The following DCDC2 variants were observed in gnomAD, a reference collection of about 807,000 sequenced individuals.
DCDC2 encodes the protein doublecortin domain-containing protein 2.
In DCDC2, 40 loss-of-function variants were observed where a neutral mutation model predicts 50.2. That is an observed-to-expected ratio of 0.80 (90% CI 0.62 to 1.04). The LOEUF (loss-of-function observed/expected upper bound fraction) is 1.04. Ranked by LOEUF, DCDC2 falls within the 50% of genes least tolerant of loss-of-function variation. DCDC2 has a pLI of 0.00. For synonymous variants in DCDC2, 234 were observed against 210.6 expected, an observed-to-expected ratio of 1.11 and a Z score of -0.96; for missense variants, 570 against 581.9, an observed-to-expected ratio of 0.98 and a Z score of 0.21.
At chr6:24,283,200 T>C (rs1057335438) in intron 6 of DCDC2, among the ~76,000 whole-genome samples, 7 of 152,246 alleles carry the variant, frequency 4.6e-5, no homozygotes, top group African/African-American at 1.7e-4. Context: ...GGGTTTATTC[T>C]TCAAGCTCAG....
intron 2 of DCDC2, among the ~76,000 whole-genome samples, chr6:24,307,870 A>G (rs185171773): frequency 6.6e-6 from 1 of 152,260 alleles, no homozygotes; most frequent in East Asian, 1.9e-4. Context: ...ATGTGCCATA[A>G]CTGATATTGG....
the DCDC2 span, among the ~76,000 whole-genome samples, chr6:24,377,726 A>T: frequency 6.6e-6 from 1 of 152,198 alleles, no homozygotes; most frequent in Non-Finnish European, 1.5e-5. Flanking sequence ...AATGACTTAC[A>T]CCTGTAATCC....
At chr6:24,221,508 TGACA>T (rs933462858) in intron 7 of DCDC2, among the ~76,000 whole-genome samples, 1 of 152,222 alleles carries the variant, frequency 6.6e-6, no homozygotes, top group African/African-American at 2.4e-5. Flanking sequence ...CAGTACCACA[TGACA>T]GACAATTTAG....
At chr6:24,300,299 T>C (rs776130047) in intron 4 of DCDC2, among the ~76,000 whole-genome samples, 3 of 151,956 alleles carry the variant, frequency 2.0e-5, no homozygotes, top group African/African-American at 7.3e-5. Flanking sequence ...AGAGTATCAA[T>C]TGAGTCTGCA....
chr6:24,367,367 A>G, the DCDC2 span, among the ~76,000 whole-genome samples: 1 of 152,262 alleles, frequency 6.6e-6, no homozygotes, highest in South Asian at 2.1e-4. Context: ...TTCAGAGAGA[A>G]GTTCCCCATG....
At chr6:24,212,971 G>A (rs1353615146) in intron 7 of DCDC2, among the ~76,000 whole-genome samples, 1 of 152,128 alleles carries the variant, frequency 6.6e-6, no homozygotes, top group Non-Finnish European at 1.5e-5. Flanking sequence ...CAGCTGAAAT[G>A]AAAGCATTTC....
intron 2 of DCDC2, among the ~76,000 whole-genome samples, chr6:24,326,033 G>A (rs898381958): frequency 1.4e-5 from 2 of 148,134 alleles, no homozygotes; most frequent in Non-Finnish European, 3.0e-5. Flanking sequence ...TAGGAATGCA[G>A]AATTAAAATT....
the DCDC2 span, among the ~76,000 whole-genome samples, chr6:24,377,951 A>G: frequency 1.4e-4 from 22 of 152,204 alleles, no homozygotes; most frequent in African/African-American, 4.8e-4. Context: ...ATCATGCCAC[A>G]GCACTCTGGC....
intron 2 of DCDC2, among the ~76,000 whole-genome samples, chr6:24,350,304 A>G (rs1407736559): frequency 5.3e-5 from 8 of 152,120 alleles, no homozygotes; most frequent in African/African-American, 1.9e-4. Context: ...AATCGTACCC[A>G]TGGTCTTGGG....
intron 5 of DCDC2, among the ~76,000 whole-genome samples, chr6:24,289,974 T>C (rs113643704): frequency 0.031 from 663 of 21,102 alleles, 13 homozygotes; most frequent in African/African-American, 0.22. Context: ...AGCTCTTCTT[T>C]TTTTTTTTTT....
At chr6:24,175,742 G>T (rs1012862142) in intron 9 of DCDC2, among the ~76,000 whole-genome samples, 1 of 152,076 alleles carries the variant, frequency 6.6e-6, no homozygotes. Context: ...CTTTGTACAA[G>T]AATTGTTACA....
At chr6:24,360,746 T>C (rs1405942673), upstream of DCDC2, among the ~76,000 whole-genome samples, 1 of 15,596 alleles carries the variant, frequency 6.4e-5, no homozygotes, top group African/African-American at 1.7e-4. Flanking sequence ...TAACTCATCA[T>C]GTACGAATAA....
chr6:24,312,663 G>C (rs911321287), intron 2 of DCDC2, among the ~76,000 whole-genome samples: 1 of 152,150 alleles, frequency 6.6e-6, no homozygotes, highest in Non-Finnish European at 1.5e-5. Flanking sequence ...CCAAAGGAAA[G>C]GTTAGGGCTT....
At chr6:24,252,342 G>A (rs1554113953) in intron 7 of DCDC2, among the ~76,000 whole-genome samples, 1 of 152,088 alleles carries the variant, frequency 6.6e-6, no homozygotes, top group Non-Finnish European at 1.5e-5. Flanking sequence ...ACAATGTCAG[G>A]AATTTCTAAA....
rs6456596 is a variant in DCDC2 at position 24,174,162 on chromosome 6, C to A, written c.*568G>T. 0.14 allele frequency: 21,649 copies of A among 152,502 alleles called. 4,042 individuals carry two copies. The highest frequency in any genetic ancestry group is 0.44 in the African/African-American group (18,051 of 41,386). The allele number at this position is 152,502 out of a possible 1,614,324, so 9.4% of individuals were successfully genotyped here. ...ATGCTTCCTCCCACCAAAATGAACG[C>A]CTTGCTCTGTCTTTGTAGTTCAAAG... On this transcript the variant is annotated 3_prime_UTR_variant, in exon 10 of 10. Transcript: ENST00000378454.
At chr6:24,300,873 T>C (rs1218164705) in intron 4 of DCDC2, among the ~76,000 whole-genome samples, 1 of 152,208 alleles carries the variant, frequency 6.6e-6, no homozygotes, top group African/African-American at 2.4e-5. Flanking sequence ...AAATCTATGA[T>C]GTTAATCTTC....
chr6:24,262,786 G>C (rs1238478706), intron 7 of DCDC2, among the ~76,000 whole-genome samples: 1 of 152,204 alleles, frequency 6.6e-6, no homozygotes, highest in Non-Finnish European at 1.5e-5. Flanking sequence ...GGGCCAGCAG[G>C]GAGAAAAGCT....
chr6:24,379,870 A>T, the DCDC2 span, among the ~76,000 whole-genome samples: 1 of 152,188 alleles, frequency 6.6e-6, no homozygotes, highest in South Asian at 2.1e-4. Context: ...ATAAAAAATG[A>T]TGAGTTCATG....
Position 24,290,994 on chromosome 6 carries a change from C to T in DCDC2, c.642G>A (p.Lys214=), listed in dbSNP as rs1763732054. Residue 214 remains lysine (K), a synonymous_variant, in exon 5 of 10, where the codon AAG becomes AAA. Transcript: ENST00000378454. ...GQFYVAVGRD[K]FKKLPYSELL... ...ACTCACTGTAAGGCAGTTTCTTAAA[C>T]TTATCTCTGCCAACAGCCACATAAA... 3 of 1,614,038 alleles carry T rather than the reference C, an allele frequency of 1.9e-6. No individual in the cohort carries two copies. Among genetic ancestry groups the T allele is most frequent in the South Asian group, 2.2e-5 (2 of 91,076 alleles).
Sources: gnomAD v4.1 joint callset for allele counts (sites outside exome capture counted in the v4.1 genomes callset) on GRCh38, gnomAD v4.1.1 for gene constraint, MANE v1.5 for transcripts, NCBI Gene and HGNC (gene_info 2026-07-23, HGNC 2026-07-21) for gene names.